GTF2IRD1: variants seen among roughly 807,000 people sequenced by gnomAD.
GTF2IRD1 encodes general transcription factor II-I repeat domain-containing protein 1.
GTF2IRD1 carries 26 observed loss-of-function variants against 113.2 expected under a neutral mutation model. The ratio of observed to expected loss-of-function variants is 0.23; its 90% CI spans 0.17 to 0.32. The LOEUF (loss-of-function observed/expected upper bound fraction) is 0.32, where lower values mean the gene tolerates loss of function less well. Ranked by LOEUF, GTF2IRD1 falls within the 10% of genes least tolerant of loss-of-function variation. The pLI is 1.00. For missense variants in GTF2IRD1, 864 were observed against 1,280.8 expected (o/e 0.67, Z 4.97); for synonymous variants, 484 against 529.1 (o/e 0.91, Z 1.17).
chr7:74,567,184 T>G, intron 22 of GTF2IRD1, among the ~76,000 whole-genome samples: 1 of 151,766 alleles, frequency 6.6e-6, no homozygotes, highest in Non-Finnish European at 1.5e-5. Flanking sequence ...AAAAATTCGC[T>G]GGGCATGGTG....
chr7:74,601,111 C>T lies in GTF2IRD1; in HGVS notation c.2697C>T (p.Ser899=). ...CGGAAGGAAATTCCGTCTCCTCTTC[C>T]TCCTCGTCTTCCTCTTCCTCGTCCT... ...RVSEGNSVSS[S]SSSSSSSSSN... The change falls in exon 26 of 27, where the codon TCC becomes TCT. Residue 899 remains serine, a synonymous_variant. Transcript: ENST00000424337. 1 of 1,613,840 alleles carries T rather than the reference C, an allele frequency of 6.2e-7. No homozygotes were observed. Among genetic ancestry groups the T allele is most frequent in the Non-Finnish European group, 8.5e-7 (1 of 1,179,898 alleles).
rs370225031 is a variant in GTF2IRD1 at position 74,557,622 on chromosome 7, C to T, written c.2024-17C>T. The T allele has an allele frequency of 2.2e-5, 35 of 1,592,080 alleles. No homozygotes were observed. Among genetic ancestry groups the T allele is most frequent in the African/African-American group, 9.4e-5 (7 of 74,550 alleles). On this transcript the variant is annotated splice_polypyrimidine_tract_variant and intron_variant, in intron 19 of 26. Transcript: ENST00000424337. Reference sequence around the variant, plus strand: ...TCACTCAACAGCCCAAACCCATAATCGTTTTGCGCTTTGCAGAAAATTATG... The same window carrying T: ...TCACTCAACAGCCCAAACCCATAATTGTTTTGCGCTTTGCAGAAAATTATG...
chr7:74,569,855 CA>C (rs1800585250), intron 22 of GTF2IRD1, among the ~76,000 whole-genome samples: 1 of 152,114 alleles, frequency 6.6e-6, no homozygotes, highest in African/African-American at 2.4e-5. Context: ...GAGACACATC[CA>C]GGGGCCCATA....
At position 74,512,122 on chromosome 7, in the gene GTF2IRD1, C is replaced by A. The variant is rs1038712104; in HGVS notation, c.124-708C>A. The stretch of plus-strand genomic sequence containing the variant: ...ATCCCAGCACTTTGGGAGGCTGAGA[C>A]GGGCAGATCACCTGAGGTCAGGAGT... On this transcript the variant is annotated intron_variant, in intron 2 of 26. Transcript: ENST00000424337. This position sits in a 1 kb window ranked among gnomAD's most constrained non-coding sequence, Gnocchi z 4.4. 6.6e-6 allele frequency among the ~76,000 whole-genome samples: 1 copy of A among 152,126 alleles called. No homozygotes were observed. The highest frequency in any genetic ancestry group is 2.4e-5 in the African/African-American group (1 of 41,428).
At chr7:74,590,764 T>C in intron 23 of GTF2IRD1, 61 bp from the exon 24 acceptor site, 1 of 1,195,326 alleles carries the variant, frequency 8.4e-7, no homozygotes, top group South Asian at 1.5e-5. Flanking sequence ...GCCCTTTCCC[T>C]AGAGGGCTTT....
At chr7:74,522,851 A>G (rs1797371031) in intron 7 of GTF2IRD1, among the ~76,000 whole-genome samples, 1 of 152,212 alleles carries the variant, frequency 6.6e-6, no homozygotes, top group African/African-American at 2.4e-5. Context: ...TATATATATA[A>G]AGTACTTAGC....
intron 22 of GTF2IRD1, among the ~76,000 whole-genome samples, chr7:74,577,677 A>G (rs1157998163): frequency 1.3e-5 from 2 of 150,754 alleles, no homozygotes; most frequent in Non-Finnish European, 2.9e-5. Flanking sequence ...TTTTTTAAAG[A>G]CAGTCTCCCT....
At position 74,528,428 on chromosome 7, in the gene GTF2IRD1, C is replaced by T. The variant is rs182011928; in HGVS notation, c.1091-1306C>T. On this transcript the variant is annotated intron_variant, in intron 8 of 26. Coordinates refer to ENST00000424337, the MANE Select transcript of GTF2IRD1 (RefSeq NM_005685.4). Reference sequence around the variant, plus strand: ...GTGTTGCCCAGGCTGGTCTTGAACTCCTGGGCTCAAGCATTTCCCAACAAC... The same window carrying T: ...GTGTTGCCCAGGCTGGTCTTGAACTTCTGGGCTCAAGCATTTCCCAACAAC... 1.8e-3 allele frequency among the ~76,000 whole-genome samples: 280 copies of T among 152,180 alleles called. 1 individual carries two copies. The highest frequency in any genetic ancestry group is 3.0e-3 in the Non-Finnish European group (207 of 68,012).
intron 1 of GTF2IRD1, among the ~76,000 whole-genome samples, chr7:74,465,174 C>G (rs1220301583): frequency 6.6e-6 from 1 of 152,236 alleles, no homozygotes. Flanking sequence ...GTGGTTACCT[C>G]TGCTCCCAGG....
chr7:74,536,325 GC>G, intron 11 of GTF2IRD1, 50 bp downstream of exon 11: 1 of 1,180,426 alleles, frequency 8.5e-7, no homozygotes, highest in Non-Finnish European at 1.3e-6. Context: ...CCTGCTCTGG[GC>G]TGAGGCAGTG....
intron 3 of GTF2IRD1, among the ~76,000 whole-genome samples, chr7:74,513,571 C>T (rs1796758883): frequency 6.6e-6 from 1 of 152,214 alleles, no homozygotes; most frequent in Non-Finnish European, 1.5e-5. Context: ...TCCCAAAGTG[C>T]TGGGATTACA....
At chr7:74,594,506 AT>A (rs782148781) in intron 24 of GTF2IRD1, among the ~76,000 whole-genome samples, 6 of 152,178 alleles carry the variant, frequency 3.9e-5, no homozygotes, top group Non-Finnish European at 7.3e-5. Flanking sequence ...CAGAGGAAAG[AT>A]TTGCCAGCAC....
At chr7:74,514,070 G>A (rs1477856119) in intron 3 of GTF2IRD1, among the ~76,000 whole-genome samples, 1 of 152,106 alleles carries the variant, frequency 6.6e-6, no homozygotes, top group African/African-American at 2.4e-5. Flanking sequence ...CACAACTGCT[G>A]TGCCTCAACC....
At chr7:74,496,685 G>A (rs1795754686) in intron 1 of GTF2IRD1, among the ~76,000 whole-genome samples, 3 of 151,894 alleles carry the variant, frequency 2.0e-5, no homozygotes. Flanking sequence ...TGTGTGTGTT[G>A]ACTTGCTAGT....
At chr7:74,566,269 C>G (rs781957890) in intron 22 of GTF2IRD1, among the ~76,000 whole-genome samples, 1 of 152,208 alleles carries the variant, frequency 6.6e-6, no homozygotes, top group African/African-American at 2.4e-5. Context: ...CAGGCTGTAT[C>G]ATGGTTATGT....
chr7:74,463,478 C>T (rs144664864), intron 1 of GTF2IRD1, among the ~76,000 whole-genome samples: 8 of 151,734 alleles, frequency 5.3e-5, no homozygotes, highest in East Asian at 2.0e-4. Context: ...CAAGTGATCC[C>T]ACAACCTCAG....
Position 74,518,130 on chromosome 7 carries a change from C to T in GTF2IRD1, c.422-9C>T. 1 of 1,544,202 alleles carries T rather than the reference C, an allele frequency of 6.5e-7. No homozygotes were observed. Among genetic ancestry groups the T allele is most frequent in the Admixed American group, 1.9e-5 (1 of 51,480 alleles). On this transcript the variant is annotated splice_polypyrimidine_tract_variant and intron_variant, in intron 4 of 26. Coordinates refer to ENST00000424337, the MANE Select transcript of GTF2IRD1 (RefSeq NM_005685.4). ...ATACCAGGCCCCTCTCCTGGACTCT[C>T]CCCTACAGGCGAGGCCCTGGGAAGG...
chr7:74,459,074 G>A (rs1185489162), intron 1 of GTF2IRD1, among the ~76,000 whole-genome samples: 2 of 152,132 alleles, frequency 1.3e-5, no homozygotes, highest in Non-Finnish European at 2.9e-5. Context: ...ACCTAGGTTT[G>A]TGGCTTCATG....
chr7:74,483,683 C>T (rs1251443863), intron 1 of GTF2IRD1, among the ~76,000 whole-genome samples: 1 of 152,098 alleles, frequency 6.6e-6, no homozygotes, highest in Non-Finnish European at 1.5e-5. Flanking sequence ...GCATTCCAGC[C>T]TGGGTGACAG....
Sources: gnomAD v4.1 joint callset for allele counts (sites outside exome capture counted in the v4.1 genomes callset) on GRCh38, gnomAD v4.1.1 for gene constraint, Gnocchi (gnomAD v3.1) non-coding constraint, MANE v1.5 for transcripts, NCBI Gene and HGNC (gene_info 2026-07-23, HGNC 2026-07-21) for gene names.